Variants in CBR4 observed in about 807,000 individuals in gnomAD.
The protein encoded by CBR4 is 3-oxoacyl-[acyl-carrier-protein] reductase.
CBR4 carries 22 observed loss-of-function variants against 21.0 expected under a neutral mutation model. The observed-to-expected ratio is 1.05, with a 90% confidence interval of 0.75 to 1.50. CBR4 has a LOEUF of 1.50. Ranked by LOEUF, CBR4 falls within the 40% of genes most tolerant of loss-of-function variation. CBR4 has a pLI of 0.00. For synonymous variants in CBR4, 100 were observed against 104.4 expected, an observed-to-expected ratio of 0.96 and a Z score of 0.26; for missense variants, 302 against 286.3, an observed-to-expected ratio of 1.05 and a Z score of -0.40.
At chr4:168,914,857 A>G (rs1759776695) in intron 2 of CBR4, among the ~76,000 whole-genome samples, 1 of 152,226 alleles carries the variant, frequency 6.6e-6, no homozygotes, top group African/African-American at 2.4e-5. Flanking sequence ...CTGCATCCAC[A>G]CAGACTTTTG....
chr4:169,000,938 T>A (rs1380124554), intron 4 of CBR4, among the ~76,000 whole-genome samples: 1 of 152,068 alleles, frequency 6.6e-6, no homozygotes, highest in Non-Finnish European at 1.5e-5. Flanking sequence ...CTATCTAAAG[T>A]TTGTGTAATG....
chr4:168,942,652 C>T (rs1163182484), intron 2 of CBR4, among the ~76,000 whole-genome samples: 1 of 152,062 alleles, frequency 6.6e-6, no homozygotes, highest in African/African-American at 2.4e-5. Context: ...AAAGCTTGCG[C>T]ACGGCAAAGG....
chr4:168,928,240 A>C (rs932672747), intron 2 of CBR4: 1 of 183,136 alleles, frequency 5.5e-6, no homozygotes, highest in Non-Finnish European at 1.2e-5. Flanking sequence ...CTTACTTGCC[A>C]AATTTTTCTG....
At chr4:168,924,695 G>A (rs183467256) in intron 2 of CBR4, among the ~76,000 whole-genome samples, 1 of 152,288 alleles carries the variant, frequency 6.6e-6, no homozygotes, top group East Asian at 1.9e-4. Flanking sequence ...AGTGATAAAA[G>A]ACTATTCAGT....
chr4:168,913,210 C>T (rs186574311), intron 2 of CBR4, among the ~76,000 whole-genome samples: 61 of 150,324 alleles, frequency 4.1e-4, no homozygotes, highest in African/African-American at 1.4e-3. Context: ...CATCTCAGCT[C>T]ACTGCAACCT....
At chr4:169,002,350 TGTCATCA>T (rs760342965) in intron 3 of CBR4, 145 bp from the exon 4 acceptor site, 16 of 862,574 alleles carry the variant, frequency 1.9e-5, no homozygotes, top group Non-Finnish European at 2.5e-5. Flanking sequence ...TTCTAACCAT[TGTCATCA>T]GTCATTTACG....
intron 2 of CBR4, among the ~76,000 whole-genome samples, chr4:168,980,222 C>T (rs964870540): frequency 2.0e-5 from 3 of 151,824 alleles, no homozygotes; most frequent in Non-Finnish European, 4.4e-5. Flanking sequence ...CTGCAGCACT[C>T]AAGTGGGAGA....
In CBR4 at chr4:168,954,244, A is replaced by T. The variant is rs1354517154; in HGVS notation, n.169+47827T>A. Among the ~76,000 whole-genome samples, 3 of 152,252 alleles carry T rather than the reference A, an allele frequency of 2.0e-5. No individual in the cohort carries two copies. In the East Asian group the frequency reaches 5.8e-4, roughly 29 times the overall value. On this transcript the variant is annotated intron_variant and non_coding_transcript_variant, in intron 2 of 3. Coordinates refer to the CBR4 transcript ENST00000509108. Reference sequence around the variant, plus strand: ...TCTTAAGCACAACACTGAAAGACTTAAGACAATGAAACAATTCTTTCAAAA... The same window carrying T: ...TCTTAAGCACAACACTGAAAGACTTTAGACAATGAAACAATTCTTTCAAAA...
Position 168,956,441 on chromosome 4 carries a change from C to T in CBR4, n.169+45630G>A, listed in dbSNP as rs967840267. ...AGAACCCTGTCTCCACAAAAAAAAACACAAAAATTAGTTACGCACGGTGGC... is the reference window on the plus strand; with the variant it reads ...AGAACCCTGTCTCCACAAAAAAAAATACAAAAATTAGTTACGCACGGTGGC... On this transcript the variant is annotated intron_variant and non_coding_transcript_variant, in intron 2 of 3. Coordinates refer to the CBR4 transcript ENST00000509108. 2.9e-4 allele frequency among the ~76,000 whole-genome samples: 44 copies of T among 150,418 alleles called. 1 individual carries two copies. Among genetic ancestry groups the T allele is most frequent in the African/African-American group, 9.8e-4 (40 of 40,754 alleles).
intron 2 of CBR4, among the ~76,000 whole-genome samples, chr4:168,899,084 T>C (rs1755883024): frequency 6.6e-6 from 1 of 152,176 alleles, no homozygotes; most frequent in East Asian, 1.9e-4. Context: ...CCCAGTGCTC[T>C]GTACCATACA....
In CBR4 at chr4:168,926,418, A is replaced by AC. The variant is rs564720992; in HGVS notation, n.170-31654dup. 6.8e-5 allele frequency: 100 copies of AC among 1,473,874 alleles called. No individual in the cohort carries two copies. The East Asian group carries it at 2.2e-3, about 32-fold the overall frequency. The allele number at this position is 1,473,874 out of a possible 1,614,324, so 91.3% of individuals were successfully genotyped here. A position where few individuals can be genotyped will look rare whatever the true frequency, so the allele number is the denominator to read the frequency against. ...TTCTTGTTAAAGCTGAAACACTGAA[A>AC]CAGCCATTGCCTTGACCAACATATT... On this transcript the variant is annotated intron_variant and non_coding_transcript_variant, in intron 2 of 3. Coordinates refer to the CBR4 transcript ENST00000509108.
chr4:168,903,977 C>T, intron 2 of CBR4: 1 of 1,383,268 alleles, frequency 7.2e-7, no homozygotes, highest in South Asian at 1.2e-5. Flanking sequence ...GACAAAGGAA[C>T]TATTTAAAAG....
Position 168,990,033 on chromosome 4 carries a change from A to T in CBR4, c.*117T>A, listed in dbSNP as rs1764833528. ...TATTTTTATAAAGACAGAAATTAACATTTGTAGCATCAGCAGGTTTGATTA... is the reference window on the plus strand; with the variant it reads ...TATTTTTATAAAGACAGAAATTAACTTTTGTAGCATCAGCAGGTTTGATTA... On this transcript the variant is annotated 3_prime_UTR_variant, in exon 5 of 5. Coordinates refer to ENST00000306193, the MANE Select transcript of CBR4 (RefSeq NM_032783.5). 2.3e-6 allele frequency: 3 copies of T among 1,319,590 alleles called. No homozygotes were observed. In the African/African-American group the frequency reaches 4.6e-5, roughly 20 times the overall value. The allele number at this position is 1,319,590 out of a possible 1,614,324, so 81.7% of individuals were successfully genotyped here. A position where few individuals can be genotyped will look rare whatever the true frequency, so the allele number is the denominator to read the frequency against.
chr4:168,994,578 CTT>C (rs988917073), intron 4 of CBR4, among the ~76,000 whole-genome samples: 1 of 151,806 alleles, frequency 6.6e-6, no homozygotes, highest in African/African-American at 2.4e-5. Context: ...TCTGTTTTTT[CTT>C]TTTTGCTTTT....
At chr4:168,992,754 C>T (rs1464538238) in intron 4 of CBR4, among the ~76,000 whole-genome samples, 3 of 151,990 alleles carry the variant, frequency 2.0e-5, no homozygotes, top group Non-Finnish European at 4.4e-5. Flanking sequence ...CTGCTCTTTC[C>T]AAACTGTCTA....
In CBR4 at chr4:168,896,638, C is replaced by G. The variant is rs780011911; in HGVS notation, n.170-1873G>C. On this transcript the variant is annotated intron_variant and non_coding_transcript_variant, in intron 2 of 3. Coordinates refer to the CBR4 transcript ENST00000509108. ...CCTTTCTTCTCCTTCCAGTCTTTCT[C>G]TGTGTCTGTTTTCTTCTGTTCTTCC... The G allele has an allele frequency of 5.1e-6, 6 of 1,186,728 alleles. No homozygotes were observed. In the South Asian group the frequency reaches 8.0e-5, roughly 16 times the overall value. The allele number at this position is 1,186,728 out of a possible 1,614,324, so 73.5% of individuals were successfully genotyped here. A position where few individuals can be genotyped will look rare whatever the true frequency, so the allele number is the denominator to read the frequency against.
Sources: allele counts gnomAD v4.1 joint callset (sites outside exome capture counted in the v4.1 genomes callset), GRCh38; gene constraint gnomAD v4.1.1; transcripts MANE v1.5; gene names NCBI Gene and HGNC (gene_info 2026-07-23, HGNC 2026-07-21).